Variants in CHAT observed in about 807,000 individuals in gnomAD.
CHAT encodes acetyl CoA:choline O-acetyltransferase.
Under a neutral mutation model 76.9 loss-of-function variants are expected in CHAT, and 61 were observed. The ratio of observed to expected loss-of-function variants is 0.79; its 90% CI spans 0.65 to 0.98. The LOEUF is 0.98. CHAT is among the 50% of genes least tolerant of loss of function. The probability of loss-of-function intolerance (pLI) is 0.00; values close to 1 mark genes in which losing one functional copy is unlikely to be tolerated. For synonymous variants in CHAT, 407 were observed against 397.4 expected (o/e 1.02, Z -0.29); for missense variants, 946 against 986.9 (o/e 0.96, Z 0.56).
intron 14 of CHAT, among the ~76,000 whole-genome samples, chr10:49,663,528 C>A (rs1590629547): frequency 6.6e-6 from 1 of 152,184 alleles, no homozygotes; most frequent in African/African-American, 2.4e-5. Context: ...GGCCACGCAA[C>A]CAACAGCAGA....
At chr10:49,657,084 A>G (rs1301875653) in intron 13 of CHAT, among the ~76,000 whole-genome samples, 1 of 152,242 alleles carries the variant, frequency 6.6e-6, no homozygotes, top group Non-Finnish European at 1.5e-5. Flanking sequence ...CTCAGCAAAC[A>G]GTGAGAGAAG....
In CHAT at chr10:49,651,886, T is replaced by TA. The variant is rs1470053363; in HGVS notation, c.1515dup (p.Val506SerfsTer5). 1 of 1,613,782 alleles carries TA rather than the reference T, an allele frequency of 6.2e-7. No homozygotes were observed. The highest frequency in any genetic ancestry group is 8.5e-7 in the Non-Finnish European group (1 of 1,179,724). On this transcript the variant is annotated frameshift_variant, in exon 11 of 15. Transcript: ENST00000337653. LOFTEE classifies it high-confidence loss of function. The stretch of plus-strand genomic sequence containing the variant: ...CATCTTTTCTTTTTCTTCCTCAGAA[T>TA]AGTAAAGAACCTTGACTTCATTGTC...
chr10:49,609,634 CT>C (rs1838236204), upstream of CHAT, among the ~76,000 whole-genome samples: 1 of 152,172 alleles, frequency 6.6e-6, no homozygotes, highest in Non-Finnish European at 1.5e-5. Flanking sequence ...TCCCCACAAG[CT>C]CCCGGCCGCG....
At chr10:49,622,971 G>A (rs1259264034) in intron 5 of CHAT, among the ~76,000 whole-genome samples, 3 of 152,146 alleles carry the variant, frequency 2.0e-5, no homozygotes, top group African/African-American at 7.2e-5. Flanking sequence ...TCCAGGGTAG[G>A]GCTGTTCCCT....
Position 49,634,622 on chromosome 10 carries a change from A to T in CHAT, c.1111+6837A>T, listed in dbSNP as rs374457891. 4.9e-4 allele frequency among the ~76,000 whole-genome samples: 74 copies of T among 152,252 alleles called. 1 individual carries two copies. Among genetic ancestry groups the T allele is most frequent in the African/African-American group, 1.8e-3 (73 of 41,536 alleles). On this transcript the variant is annotated intron_variant, in intron 7 of 14. Transcript: ENST00000337653. ...GGGCTCCTCTCTTTACCTTCTCCCTAGTCACCATCTCTCTGGCCCTCGTTT... is the reference window on the plus strand; with the variant it reads ...GGGCTCCTCTCTTTACCTTCTCCCTTGTCACCATCTCTCTGGCCCTCGTTT...
chr10:49,663,385 C>A (rs1022995448), intron 14 of CHAT, among the ~76,000 whole-genome samples: 1 of 152,170 alleles, frequency 6.6e-6, no homozygotes, highest in South Asian at 2.1e-4. Context: ...CCGCGGTTTC[C>A]ACGGGCTCTG....
At chr10:49,628,195 C>T (rs1178081995) in intron 7 of CHAT, among the ~76,000 whole-genome samples, 3 of 152,126 alleles carry the variant, frequency 2.0e-5, no homozygotes, top group Non-Finnish European at 4.4e-5. Context: ...CCACCTCTTT[C>T]ACCTGATCTC....
upstream of CHAT, chr10:49,611,310 C>T (rs1213699002): frequency 1.2e-6 from 2 of 1,606,594 alleles, no homozygotes; most frequent in Admixed American, 3.3e-5. Context: ...TGGGCTCAGC[C>T]TTCGCCGACA....
intron 7 of CHAT, among the ~76,000 whole-genome samples, chr10:49,632,996 C>T (rs1394663710): frequency 6.6e-6 from 1 of 152,208 alleles, no homozygotes; most frequent in East Asian, 1.9e-4. Flanking sequence ...CTACCAGTGT[C>T]CTCTGGGGGC....
At chr10:49,616,020 G>T (rs1383703543) in intron 1 of CHAT, 4 of 1,613,562 alleles carry the variant, frequency 2.5e-6, no homozygotes. Flanking sequence ...TCCACCAACG[G>T]AGTGAGGGAA....
At position 49,625,635 on chromosome 10, in the gene CHAT, C is replaced by T. The variant is rs1279143158; in HGVS notation, c.915C>T (p.Ile305=). The change falls in exon 6 of 15, where the codon ATC becomes ATT. Residue 305 remains isoleucine (I), a synonymous_variant. Coordinates refer to ENST00000337653, the MANE Select transcript of CHAT (RefSeq NM_020549.5). The part of the protein sequence containing the change: ...SSIMPEPEHV[I]VACCNQFFVL... ...TCATGCCGGAGCCTGAGCACGTCAT[C>T]GTAGCCTGCTGCAATCAGGTAAGCA... 8 of 1,576,636 alleles carry T rather than the reference C, an allele frequency of 5.1e-6. No individual in the cohort carries two copies. Among genetic ancestry groups the T allele is most frequent in the East Asian group, 2.3e-5 (1 of 43,110 alleles).
intron 4 of CHAT, among the ~76,000 whole-genome samples, chr10:49,621,279 C>T (rs551258311): frequency 3.9e-5 from 6 of 152,160 alleles, no homozygotes; most frequent in Non-Finnish European, 7.4e-5. Context: ...CACCTCTCCT[C>T]TGGGCAGGGC....
chr10:49,610,687 C>G (rs1348048073), upstream of CHAT: 3 of 1,443,528 alleles, frequency 2.1e-6, no homozygotes, highest in Non-Finnish European at 2.7e-6. Context: ...CACTGCGGGA[C>G]GCCAGCGCTC....
Position 49,649,537 on chromosome 10 carries a change from C to T in CHAT, c.1412C>T (p.Ala471Val). The change falls in exon 10 of 15, where the codon GCA becomes GTA. Residue 471 changes from alanine (A) to valine (V), a missense_variant. Around this residue, in one of 3 missense-constraint regions of CHAT, gnomAD observed 349 missense variants for 393.9 expected, o/e 0.89. Coordinates refer to ENST00000337653, the MANE Select transcript of CHAT (RefSeq NM_020549.5). ...VTQSSRKLIR[A>V]DSVSELPAPR... Reference sequence around the variant, plus strand: ...CAGAGCAGCAGGAAGCTGATCCGAGCAGACTCCGTCAGCGAGCTCCCCGCC... The same window carrying T: ...CAGAGCAGCAGGAAGCTGATCCGAGTAGACTCCGTCAGCGAGCTCCCCGCC... The T allele has an allele frequency of 6.2e-7, 1 of 1,613,846 alleles. No individual in the cohort carries two copies. The highest frequency in any genetic ancestry group is 1.1e-5 in the South Asian group (1 of 91,086).
chr10:49,636,119 G>A lies in CHAT; in HGVS notation c.1111+8334G>A, dbSNP rs189905905. Among the ~76,000 whole-genome samples, 4 of 152,046 alleles carry A rather than the reference G, an allele frequency of 2.6e-5. No individual in the cohort carries two copies. The East Asian group carries it at 7.7e-4, about 29-fold the overall frequency. Reference sequence around the variant, plus strand: ...GTACAAAACTCAATTATAGTCTTTCGCCTTTAAATATGATGTTAGCTATAA... The same window carrying A: ...GTACAAAACTCAATTATAGTCTTTCACCTTTAAATATGATGTTAGCTATAA... On this transcript the variant is annotated intron_variant, in intron 7 of 14. Transcript: ENST00000337653.
chr10:49,651,616 C>G, intron 10 of CHAT: 1 of 464,144 alleles, frequency 2.2e-6, no homozygotes, highest in Non-Finnish European at 4.0e-6. Flanking sequence ...CCAGGCCCAC[C>G]TCCCCACCCA....
chr10:49,652,413 T>A (rs1269604918), intron 11 of CHAT, among the ~76,000 whole-genome samples: 1 of 152,066 alleles, frequency 6.6e-6, no homozygotes, highest in African/African-American at 2.4e-5. Context: ...AACCAGCAGC[T>A]CCCCCAGCTG....
rs372298555 is a variant in CHAT at position 49,614,464 on chromosome 10, C to G, written c.275C>G (p.Pro92Arg). The part of the protein sequence containing the change: ...CGAASAEAAE[P>R]RRAGPHLCIP... Reference sequence around the variant, plus strand: ...GCAGCGTCGGCCGAGGCAGCAGAGCCGAGGAGAGCAGGTGAGAAGAAGGGC... The same window carrying G: ...GCAGCGTCGGCCGAGGCAGCAGAGCGGAGGAGAGCAGGTGAGAAGAAGGGC... Residue 92 changes from proline (P) to arginine (R), a missense_variant, in exon 1 of 15, where the codon CCG becomes CGG. Physicochemically the swap from Pro to Arg is moderately radical, Grantham distance 103. This residue lies in a region of CHAT where 548 missense variants were observed against 516.2 expected (regional missense o/e 1.06). Transcript: ENST00000337653. The G allele has an allele frequency of 4.1e-5, 64 of 1,546,692 alleles. No individual in the cohort carries two copies. In the African/African-American group the frequency reaches 6.3e-4, roughly 15 times the overall value.
intron 1 of CHAT, chr10:49,616,148 A>T: frequency 6.6e-7 from 1 of 1,506,632 alleles, no homozygotes. Flanking sequence ...TTGGCAAAGC[A>T]CTTATCTATT....
Sources: allele counts gnomAD v4.1 joint callset (sites outside exome capture counted in the v4.1 genomes callset), GRCh38; gene constraint gnomAD v4.1.1; regional missense constraint gnomAD v4.1.1; transcripts MANE v1.5; gene names NCBI Gene and HGNC (gene_info 2026-07-23, HGNC 2026-07-21).